Variants in FSTL5 observed in about 807,000 individuals in gnomAD.
FSTL5 encodes the protein follistatin like 5, also known as follistatin-related protein 5.
FSTL5 carries 62 observed loss-of-function variants against 89.1 expected under a neutral mutation model. That is an observed-to-expected ratio of 0.70 (90% CI 0.57 to 0.86). The LOEUF (loss-of-function observed/expected upper bound fraction) is 0.86, where lower values mean the gene tolerates loss of function less well. FSTL5 is among the 40% of genes least tolerant of loss of function. The pLI, the probability that FSTL5 is intolerant of heterozygous loss-of-function variation, is 0.00. For synonymous variants in FSTL5, 383 were observed against 346.2 expected (o/e 1.11, Z -1.18); for missense variants, 1,057 against 1,001.6 (o/e 1.06, Z -0.75).
chr4:161,783,379 T>A (rs1741737670), intron 4 of FSTL5, among the ~76,000 whole-genome samples: 1 of 151,980 alleles, frequency 6.6e-6, no homozygotes, highest in Non-Finnish European at 1.5e-5. Context: ...AATTAATTAT[T>A]TTTTTCCGGG....
intron 7 of FSTL5, among the ~76,000 whole-genome samples, chr4:161,654,634 A>T (rs1377171306): frequency 6.6e-6 from 1 of 152,156 alleles, no homozygotes; most frequent in Non-Finnish European, 1.5e-5. Flanking sequence ...TGGGACATTA[A>T]ACAAAAACAT....
At chr4:161,822,905 A>G (rs1730537253) in intron 4 of FSTL5, among the ~76,000 whole-genome samples, 2 of 152,098 alleles carry the variant, frequency 1.3e-5, no homozygotes, top group African/African-American at 4.8e-5. Context: ...AGGTTGTCCT[A>G]ATGAGTGTCC....
intron 7 of FSTL5, among the ~76,000 whole-genome samples, chr4:161,628,603 G>A (rs2126653199): frequency 6.6e-6 from 1 of 152,248 alleles, no homozygotes; most frequent in East Asian, 1.9e-4. Flanking sequence ...TGCCAAAAAG[G>A]ACATCTGAGA....
intron 3 of FSTL5, among the ~76,000 whole-genome samples, chr4:162,007,491 A>G (rs996435874): frequency 2.0e-5 from 3 of 151,954 alleles, no homozygotes; most frequent in African/African-American, 7.2e-5. Flanking sequence ...AACTCTTTAC[A>G]TACTTGAATT....
At chr4:161,605,001 C>T (rs570059344) in intron 7 of FSTL5, among the ~76,000 whole-genome samples, 9 of 152,282 alleles carry the variant, frequency 5.9e-5, no homozygotes, top group Non-Finnish European at 1.2e-4. Flanking sequence ...TGCATTATAA[C>T]GAGTACCTAA....
chr4:162,146,770 C>CTCTCTCTCTCTCTTTCTT (rs754279568), intron 1 of FSTL5, among the ~76,000 whole-genome samples: 1 of 142,856 alleles, frequency 7.0e-6, no homozygotes. Flanking sequence ...CTCTCTCTCT[C>CTCTCTCTCTCTCTTTCTT]TCTTTCTTTC....
At chr4:161,871,011 C>T (rs1398312042) in intron 4 of FSTL5, among the ~76,000 whole-genome samples, 1 of 152,040 alleles carries the variant, frequency 6.6e-6, no homozygotes, top group African/African-American at 2.4e-5. Context: ...TTGAAAACCA[C>T]GGATGCAGTA....
chr4:161,618,927 T>C (rs1204557146), intron 7 of FSTL5, among the ~76,000 whole-genome samples: 1 of 152,218 alleles, frequency 6.6e-6, no homozygotes, highest in Non-Finnish European at 1.5e-5. Context: ...TCATGATACC[T>C]GACTTCAAAC....
intron 10 of FSTL5, among the ~76,000 whole-genome samples, chr4:161,532,200 C>T (rs1372528217): frequency 1.7e-5 from 2 of 116,942 alleles, no homozygotes; most frequent in African/African-American, 3.7e-5. Flanking sequence ...ACTCCATCTC[C>T]AAAAAAAAAA....
chr4:161,489,914 A>AG (rs1729804384), intron 12 of FSTL5, among the ~76,000 whole-genome samples: 2 of 143,204 alleles, frequency 1.4e-5, no homozygotes, highest in South Asian at 4.7e-4. Context: ...ATTAAAATGC[A>AG]GAATTTTTTT....
At chr4:162,016,951 A>G (rs536564557) in intron 3 of FSTL5, among the ~76,000 whole-genome samples, 1 of 152,168 alleles carries the variant, frequency 6.6e-6, no homozygotes, top group Non-Finnish European at 1.5e-5. Flanking sequence ...AGGATTTGTA[A>G]ATTTACGAAG....
chr4:161,974,681 C>G (rs1388906276), intron 3 of FSTL5, among the ~76,000 whole-genome samples: 21 of 121,092 alleles, frequency 1.7e-4, no homozygotes, highest in African/African-American at 5.8e-4. Flanking sequence ...CCATTCAGGA[C>G]ATAGGCATGG....
In FSTL5 at chr4:162,066,010, T is replaced by C. The variant is rs563558709; in HGVS notation, c.127-32352A>G. ...ATAAAGTACAGTTTTATAGGCAGCA[T>C]ATTATTCTTGGATTCTTGTAAAATC... On this transcript the variant is annotated intron_variant, in intron 2 of 15. Transcript: ENST00000306100. Among the ~76,000 whole-genome samples the C allele has an allele frequency of 2.0e-5, 3 of 152,176 alleles. No homozygotes were observed. In the South Asian group the frequency reaches 6.2e-4, roughly 32 times the overall value.
At chr4:161,527,337 T>C (rs1271342750) in intron 10 of FSTL5, among the ~76,000 whole-genome samples, 10 of 152,038 alleles carry the variant, frequency 6.6e-5, no homozygotes, top group African/African-American at 2.4e-4. Context: ...CAAAAGAAAC[T>C]ACCATCAGAG....
chr4:161,824,560 A>G (rs1730607270), intron 4 of FSTL5, among the ~76,000 whole-genome samples: 1 of 152,132 alleles, frequency 6.6e-6, no homozygotes, highest in African/African-American at 2.4e-5. Context: ...GATTCTAGCC[A>G]TACATGAGCA....
At chr4:161,885,717 G>C (rs912721906) in intron 4 of FSTL5, among the ~76,000 whole-genome samples, 1 of 152,148 alleles carries the variant, frequency 6.6e-6, no homozygotes, top group Non-Finnish European at 1.5e-5. Context: ...CCAAAGTGCT[G>C]GGATTATAGG....
chr4:161,656,459 G>A lies in FSTL5; in HGVS notation c.763C>T (p.Leu255=). ...CCCACAGTTGCTGCAGTGATGCTTA[G>A]TTTCTGATCTTCTGGCAGACTCAAC... ...IQLSLPEDQK[L]SITAATVGQS... is the part of the protein sequence containing the mutation. Residue 255 remains leucine, a synonymous_variant, in exon 7 of 16, where the codon CTA becomes TTA. Coordinates refer to ENST00000306100, the MANE Select transcript of FSTL5 (RefSeq NM_020116.5). The A allele has an allele frequency of 6.3e-7, 1 of 1,599,570 alleles. No homozygotes were observed. The highest frequency in any genetic ancestry group is 1.1e-5 in the South Asian group (1 of 88,252).
chr4:162,049,669 A>G (rs1420824412), intron 2 of FSTL5, among the ~76,000 whole-genome samples: 1 of 152,132 alleles, frequency 6.6e-6, no homozygotes, highest in Non-Finnish European at 1.5e-5. Flanking sequence ...GCTAAAAAGG[A>G]AGAATAGCTA....
chr4:161,443,348 A>G lies in FSTL5; in HGVS notation c.1841+11656T>C, dbSNP rs1294224561. 5.9e-5 allele frequency among the ~76,000 whole-genome samples: 9 copies of G among 152,158 alleles called. 1 individual carries two copies. The East Asian group carries it at 1.2e-3, about 20-fold the overall frequency. ...AGGGAGGGTGATTCCTTAGCATACT[A>G]AATTTTTTTAAAGCTTATTCCACAG... On this transcript the variant is annotated intron_variant, in intron 15 of 15. Transcript: ENST00000306100.
Sources: allele counts gnomAD v4.1 joint callset (sites outside exome capture counted in the v4.1 genomes callset), GRCh38; gene constraint gnomAD v4.1.1; transcripts MANE v1.5; gene names NCBI Gene and HGNC (gene_info 2026-07-23, HGNC 2026-07-21).